AUTS2: variants seen among roughly 807,000 people sequenced by gnomAD.
AUTS2 encodes autism susceptibility gene 2 protein.
Under a neutral mutation model 112.4 loss-of-function variants are expected in AUTS2, and 17 were observed. The observed-to-expected ratio is 0.15, with a 90% confidence interval of 0.10 to 0.23. AUTS2 has a LOEUF of 0.23. Ranked by LOEUF, AUTS2 falls within the 10% of genes least tolerant of loss-of-function variation. The pLI is 1.00. For synonymous variants in AUTS2, 751 were observed against 702.7 expected (o/e 1.07, Z -1.09); for missense variants, 1,510 against 1,701.6 (o/e 0.89, Z 1.98).
chr7:70,110,924 C>G (rs1037799766), intron 2 of AUTS2, among the ~76,000 whole-genome samples: 1 of 139,380 alleles, frequency 7.2e-6, no homozygotes, highest in Non-Finnish European at 1.5e-5. Flanking sequence ...CAGGCTGGAG[C>G]GCAGTGGCGC....
chr7:70,005,913 G>A (rs185657395), intron 2 of AUTS2, among the ~76,000 whole-genome samples: 5 of 152,094 alleles, frequency 3.3e-5, no homozygotes, highest in Admixed American at 2.6e-4. Flanking sequence ...TTTGATTAAC[G>A]TTGTATGCTA....
At chr7:70,434,098 A>G (rs1364917691) in intron 4 of AUTS2, among the ~76,000 whole-genome samples, 2 of 152,154 alleles carry the variant, frequency 1.3e-5, no homozygotes, top group Non-Finnish European at 2.9e-5. Context: ...ACGTTCTTAT[A>G]CACTCATGTT....
chr7:70,454,802 C>A (rs1796669140), intron 5 of AUTS2, among the ~76,000 whole-genome samples: 2 of 152,212 alleles, frequency 1.3e-5, no homozygotes, highest in African/African-American at 4.8e-5. Context: ...TCACCACCTG[C>A]TGCTGTGCAA....
At chr7:69,962,079 A>G (rs750318902) in intron 2 of AUTS2, among the ~76,000 whole-genome samples, 2 of 152,158 alleles carry the variant, frequency 1.3e-5, no homozygotes, top group Non-Finnish European at 2.9e-5. Flanking sequence ...AGGAGTGGAC[A>G]CTGTAGAGAG....
At chr7:69,765,248 T>C (rs1004833912) in intron 1 of AUTS2, among the ~76,000 whole-genome samples, 2 of 152,218 alleles carry the variant, frequency 1.3e-5, no homozygotes, top group Non-Finnish European at 2.9e-5. Context: ...TAAATTGTGA[T>C]GGGTTCCTTC....
intron 4 of AUTS2, among the ~76,000 whole-genome samples, chr7:70,219,958 T>A (rs1451115172): frequency 6.6e-6 from 1 of 152,246 alleles, no homozygotes; most frequent in African/African-American, 2.4e-5. Flanking sequence ...TTGAGTCACA[T>A]TAAGTCTAAG....
At position 69,614,387 on chromosome 7, in the gene AUTS2, A is replaced by G. The variant is rs1320094475; in HGVS notation, c.309+14425A>G. 1.6e-4 allele frequency among the ~76,000 whole-genome samples: 4 copies of G among 24,424 alleles called. 1 individual carries two copies. The highest frequency in any genetic ancestry group is 2.8e-4 in the Non-Finnish European group (3 of 10,650). The allele number at this position is 24,424 out of a possible 152,430, so 16.0% of individuals were successfully genotyped here. On this transcript the variant is annotated intron_variant, in intron 1 of 18. Coordinates refer to ENST00000342771, the MANE Select transcript of AUTS2 (RefSeq NM_015570.4). Reference sequence around the variant, plus strand: ...TTCTTTTTTTAAGAGATGGGATCTCACTCTGTTTCCCAGGCTGGAGTGCAG... The same window carrying G: ...TTCTTTTTTTAAGAGATGGGATCTCGCTCTGTTTCCCAGGCTGGAGTGCAG...
At chr7:70,475,277 GA>G (rs1440249124) in intron 5 of AUTS2, among the ~76,000 whole-genome samples, 1 of 152,220 alleles carries the variant, frequency 6.6e-6, no homozygotes, top group East Asian at 1.9e-4. Flanking sequence ...ATCTTTGCGT[GA>G]AATTGAATCC....
At chr7:70,451,107 G>A (rs1796512028) in intron 5 of AUTS2, among the ~76,000 whole-genome samples, 1 of 152,174 alleles carries the variant, frequency 6.6e-6, no homozygotes, top group South Asian at 2.1e-4. Context: ...AGCTATAGGG[G>A]AATGAGTGGG....
chr7:70,724,443 C>CTTTTTATTTTTTTTTTTT (rs1786890991), intron 6 of AUTS2, among the ~76,000 whole-genome samples: 1 of 101,386 alleles, frequency 9.9e-6, no homozygotes, highest in Non-Finnish European at 1.9e-5. Flanking sequence ...TTCATCCTGA[C>CTTTTTATTTTTTTTTTTT]TTTTTTTTTT....
chr7:69,864,272 T>C (rs1022738462), intron 1 of AUTS2, among the ~76,000 whole-genome samples: 4 of 152,340 alleles, frequency 2.6e-5, no homozygotes, highest in East Asian at 1.9e-4. Flanking sequence ...CTGTTCTTTT[T>C]TTCCCCCTAC....
intron 2 of AUTS2, among the ~76,000 whole-genome samples, chr7:69,941,121 C>A (rs1383742798): frequency 6.6e-6 from 1 of 152,106 alleles, no homozygotes; most frequent in African/African-American, 2.4e-5. Flanking sequence ...TTATACCCTC[C>A]CAAGTTAAGG....
Position 70,171,905 on chromosome 7 carries a change from T to TG in AUTS2, c.660+37343dup, listed in dbSNP as rs567903138. Among the ~76,000 whole-genome samples, 829 of 146,778 alleles carry TG rather than the reference T, an allele frequency of 5.6e-3. 12 individuals carry two copies. The highest frequency in any genetic ancestry group is 0.055 in the East Asian group (275 of 4,986). On this transcript the variant is annotated intron_variant, in intron 4 of 18. Transcript: ENST00000342771. ...TTTATTATAAACAAGTTTTTTTTTT[T>TG]GGGGGGGGGTAGTTTTTCCCTCCTT...
At position 69,852,209 on chromosome 7, in the gene AUTS2, T is replaced by G. The variant is rs188970163; in HGVS notation, c.310-47077T>G. On this transcript the variant is annotated intron_variant, in intron 1 of 18. Coordinates refer to ENST00000342771, the MANE Select transcript of AUTS2 (RefSeq NM_015570.4). ...CTTTTTTGCATCAACTATGATGGATTATGTTGATTGGTTTTTGAATATTGA... is the reference window on the plus strand; with the variant it reads ...CTTTTTTGCATCAACTATGATGGATGATGTTGATTGGTTTTTGAATATTGA... 9.8e-5 allele frequency among the ~76,000 whole-genome samples: 15 copies of G among 152,326 alleles called. 1 individual carries two copies. The East Asian group carries it at 2.9e-3, about 29-fold the overall frequency.
chr7:70,578,640 C>G (rs928850197), intron 5 of AUTS2, among the ~76,000 whole-genome samples: 1 of 152,150 alleles, frequency 6.6e-6, no homozygotes, highest in Non-Finnish European at 1.5e-5. Flanking sequence ...AAGAATCAGT[C>G]CCCCTCTTCA....
At chr7:70,258,625 C>T (rs993760012) in intron 4 of AUTS2, among the ~76,000 whole-genome samples, 2 of 152,170 alleles carry the variant, frequency 1.3e-5, no homozygotes, top group Non-Finnish European at 2.9e-5. Flanking sequence ...TATCTTACTA[C>T]CCTGAGAGAC....
chr7:69,861,548 G>A (rs1210098369), intron 1 of AUTS2, among the ~76,000 whole-genome samples: 1 of 152,162 alleles, frequency 6.6e-6, no homozygotes, highest in African/African-American at 2.4e-5. Flanking sequence ...CTTGCAAGGA[G>A]ATAAAAGGCT....
chr7:70,421,232 A>G (rs1385702583), intron 4 of AUTS2, among the ~76,000 whole-genome samples: 2 of 152,164 alleles, frequency 1.3e-5, no homozygotes, highest in Non-Finnish European at 2.9e-5. Flanking sequence ...TTTTTTAGTA[A>G]AACAAAAAAA....
chr7:70,748,599 C>T (rs1788612345), intron 6 of AUTS2, among the ~76,000 whole-genome samples: 1 of 152,174 alleles, frequency 6.6e-6, no homozygotes. Context: ...GAATAGTGTT[C>T]ATGAACCTAC....
Sources: allele counts gnomAD v4.1 joint callset (sites outside exome capture counted in the v4.1 genomes callset), GRCh38; gene constraint gnomAD v4.1.1; transcripts MANE v1.5; gene names NCBI Gene and HGNC (gene_info 2026-07-23, HGNC 2026-07-21).